PPP1R21: variants seen among roughly 807,000 people sequenced by gnomAD.
PPP1R21 encodes the protein protein phosphatase 1 regulatory subunit 21.
Under a neutral mutation model 112.8 loss-of-function variants are expected in PPP1R21, and 85 were observed. The observed-to-expected ratio is 0.75, with a 90% confidence interval of 0.63 to 0.90. The LOEUF (loss-of-function observed/expected upper bound fraction) is 0.90. PPP1R21 is among the 40% of genes least tolerant of loss of function. The probability of loss-of-function intolerance (pLI) is 0.00; values close to 1 mark genes in which losing one functional copy is unlikely to be tolerated. For synonymous variants in PPP1R21, 381 were observed against 322.3 expected (o/e 1.18, Z -1.95); for missense variants, 1,199 against 901.5 (o/e 1.33, Z -4.23).
At chr2:48,495,539 G>T in intron 15 of PPP1R21, 140 bp from the exon 16 acceptor site, 3 of 571,330 alleles carry the variant, frequency 5.3e-6, no homozygotes, top group South Asian at 2.3e-5. Flanking sequence ...TCGTTTTCAC[G>T]TGTATTAAAG....
intron 15 of PPP1R21, among the ~76,000 whole-genome samples, chr2:48,494,121 A>G (rs973292495): frequency 6.7e-6 from 1 of 149,096 alleles, no homozygotes; most frequent in Non-Finnish European, 1.5e-5. Context: ...TCCCAGGTGC[A>G]TGCTTGGGAG....
chr2:48,467,447 G>C (rs1013320379), intron 9 of PPP1R21, among the ~76,000 whole-genome samples: 3 of 152,298 alleles, frequency 2.0e-5, no homozygotes, highest in South Asian at 2.1e-4. Context: ...AGTTGCTGCG[G>C]GTCAAGAATG....
chr2:48,475,861 T>C (rs77690821), intron 12 of PPP1R21, among the ~76,000 whole-genome samples: 13,529 of 152,026 alleles, frequency 0.089, 690 homozygotes, highest in Non-Finnish European at 0.11. Flanking sequence ...AAAAAAAGTA[T>C]TTTTGGGTAA....
chr2:48,445,645 C>T (rs922148221), intron 1 of PPP1R21, among the ~76,000 whole-genome samples: 1 of 152,154 alleles, frequency 6.6e-6, no homozygotes, highest in South Asian at 2.1e-4. Context: ...GATTTACTCA[C>T]CCATTCACCT....
At chr2:48,471,524 A>C in intron 11 of PPP1R21, 157 bp downstream of exon 11, 1 of 688,202 alleles carries the variant, frequency 1.5e-6, no homozygotes, top group Non-Finnish European at 2.4e-6. Flanking sequence ...AGCATGGTTG[A>C]GCAGCATTAA....
chr2:48,448,824 C>G (rs1014009788), intron 1 of PPP1R21, among the ~76,000 whole-genome samples: 8 of 152,208 alleles, frequency 5.3e-5, no homozygotes, highest in African/African-American at 1.7e-4. Flanking sequence ...TAAGAGGCCA[C>G]ACAGTAAATA....
chr2:48,472,765 A>T (rs1668578006), intron 11 of PPP1R21, among the ~76,000 whole-genome samples: 1 of 152,104 alleles, frequency 6.6e-6, no homozygotes, highest in Non-Finnish European at 1.5e-5. Flanking sequence ...CCTGGGCAGC[A>T]TAGGGAGACC....
chr2:48,511,718 A>G (rs2103680002), intron 21 of PPP1R21, among the ~76,000 whole-genome samples: 1 of 151,620 alleles, frequency 6.6e-6, no homozygotes, highest in South Asian at 2.1e-4. Context: ...AAAAAATGAA[A>G]AAATAAGCCA....
At position 48,464,915 on chromosome 2, in the gene PPP1R21, G is replaced by A. The variant is rs143331213; in HGVS notation, c.695-22G>A. On this transcript the variant is annotated intron_variant, in intron 7 of 21. Coordinates refer to ENST00000294952, the MANE Select transcript of PPP1R21 (RefSeq NM_001135629.3). ...GTATATGTGAAATGAGAGACTTAAT[G>A]TACATTATTTTTCTTCTGTAGAATA... 2.0e-4 allele frequency: 309 copies of A among 1,551,148 alleles called. No homozygotes were observed. The African/African-American group carries it at 3.8e-3, about 19-fold the overall frequency.
chr2:48,488,160 T>C (rs1347052123), intron 14 of PPP1R21, among the ~76,000 whole-genome samples: 1 of 152,178 alleles, frequency 6.6e-6, no homozygotes, highest in African/African-American at 2.4e-5. Context: ...GGGGTCATGA[T>C]TAAAACGTGT....
chr2:48,493,424 A>C (rs956035300), intron 15 of PPP1R21, among the ~76,000 whole-genome samples: 3 of 152,210 alleles, frequency 2.0e-5, no homozygotes. Context: ...ATAGTTTTTC[A>C]AAATAGAAGT....
chr2:48,498,845 A>G, intron 17 of PPP1R21, 110 bp downstream of exon 17: 1 of 1,114,288 alleles, frequency 9.0e-7, no homozygotes. Flanking sequence ...CTATATCAAA[A>G]TACCATAAGC....
At position 48,465,477 on chromosome 2, in the gene PPP1R21, A is replaced by G. The variant is rs371834644; in HGVS notation, c.748-16A>G. On this transcript the variant is annotated splice_polypyrimidine_tract_variant and intron_variant, in intron 8 of 21. Coordinates refer to ENST00000294952, the MANE Select transcript of PPP1R21 (RefSeq NM_001135629.3). ...ATTTGAGAGTTGACCTTAACTATAT[A>G]TTTTTCATTTTAAAGCTGAAGATGC... The G allele has an allele frequency of 3.2e-5, 52 of 1,600,940 alleles. No homozygotes were observed. The African/African-American group carries it at 4.6e-4, about 14-fold the overall frequency.
At chr2:48,471,408 G>A in intron 11 of PPP1R21, 41 bp downstream of exon 11, 22 of 1,555,892 alleles carry the variant, frequency 1.4e-5, no homozygotes, top group Non-Finnish European at 1.9e-5. Context: ...GGAATTGTGG[G>A]TGTAACCTGA....
intron 2 of PPP1R21, among the ~76,000 whole-genome samples, chr2:48,452,548 A>T (rs1373596105): frequency 6.6e-6 from 1 of 150,704 alleles, no homozygotes; most frequent in Non-Finnish European, 1.5e-5. Context: ...TTATGAGAAA[A>T]ATAAATTATT....
intron 13 of PPP1R21, 81 bp from the exon 14 acceptor site, chr2:48,486,550 A>G (rs1558489199): frequency 9.5e-7 from 1 of 1,055,314 alleles, no homozygotes; most frequent in East Asian, 2.4e-5. Context: ...AGAAGAATAG[A>G]TAGGAGAAGT....
At chr2:48,457,436 AAC>A (rs896688349) in intron 3 of PPP1R21, among the ~76,000 whole-genome samples, 1 of 152,204 alleles carries the variant, frequency 6.6e-6, no homozygotes. Context: ...CTGATGTTTG[AAC>A]ACAGTTTCAT....
In PPP1R21 at chr2:48,472,239, CAAAAAAAAAAAAA is replaced by C. The variant is rs57711610; in HGVS notation, c.1088+889_1088+901del. On this transcript the variant is annotated intron_variant, in intron 11 of 21. Coordinates refer to ENST00000294952, the MANE Select transcript of PPP1R21 (RefSeq NM_001135629.3). Reference sequence around the variant, plus strand: ...TAGGCAACAGAGCGAGACTCCATCTCAAAAAAAAAAAAAAAAAAAAAAAAAAAAATCAAAGAAC... The same window carrying C: ...TAGGCAACAGAGCGAGACTCCATCTCAAAAAAAAAAAAAAAATCAAAGAAC... 1.6e-3 allele frequency among the ~76,000 whole-genome samples: 69 copies of C among 43,048 alleles called. 1 individual carries two copies. Among genetic ancestry groups the C allele is most frequent in the East Asian group, 7.8e-3 (4 of 514 alleles). 28.2% of individuals were successfully genotyped at this position (43,048 alleles called of 152,430 possible).
chr2:48,471,063 C>T (rs377201117), intron 9 of PPP1R21, 24 bp from the exon 10 acceptor site: 3 of 1,462,204 alleles, frequency 2.1e-6, no homozygotes, highest in Non-Finnish European at 2.9e-6. Context: ...TGATTTAATT[C>T]ACAATACTTT....
Sources: gnomAD v4.1 joint callset for allele counts (sites outside exome capture counted in the v4.1 genomes callset) on GRCh38, gnomAD v4.1.1 for gene constraint, MANE v1.5 for transcripts, NCBI Gene and HGNC (gene_info 2026-07-23, HGNC 2026-07-21) for gene names.